The following TAFA2 variants were observed in gnomAD, a reference collection of about 807,000 sequenced individuals.
TAFA2 encodes TAFA chemokine like family member 2.
A neutral mutation model predicts 18.8 loss-of-function variants in TAFA2; 7 were observed. That is an observed-to-expected ratio of 0.37 (90% CI 0.21 to 0.70). The LOEUF is 0.70. Among genes scored for constraint, TAFA2 ranks in the 30% least tolerant of loss-of-function variants. The pLI is 0.53. For synonymous variants in TAFA2, 60 were observed against 54.2 expected (o/e 1.11, Z -0.47); for missense variants, 122 against 158.1 (o/e 0.77, Z 1.23).
rs550772839 is a variant in TAFA2 at position 61,827,712 on chromosome 12, T to A, written c.106+39608A>T. Among the ~76,000 whole-genome samples the A allele has an allele frequency of 2.8e-4, 43 of 152,090 alleles. No homozygotes were observed. The South Asian group carries it at 8.9e-3, about 32-fold the overall frequency. Reference sequence around the variant, plus strand: ...TATTAGCATATAAATATATGAATAGTCCTAAAATAGAGGGAAATATTTAAC... The same window carrying A: ...TATTAGCATATAAATATATGAATAGACCTAAAATAGAGGGAAATATTTAAC... On this transcript the variant is annotated intron_variant, in intron 2 of 4. Coordinates refer to ENST00000416284, the MANE Select transcript of TAFA2 (RefSeq NM_178539.5).
chr12:61,810,851 G>A (rs1871835620), intron 2 of TAFA2, among the ~76,000 whole-genome samples: 3 of 147,818 alleles, frequency 2.0e-5, no homozygotes, highest in Admixed American at 6.9e-5. Flanking sequence ...AATCATGTGT[G>A]GAAGAAAAAA....
chr12:61,903,548 G>A (rs113312124), intron 1 of TAFA2, among the ~76,000 whole-genome samples: 8 of 152,216 alleles, frequency 5.3e-5, no homozygotes, highest in African/African-American at 1.9e-4. Context: ...CCCATGTACT[G>A]AGTCTAGAAC....
chr12:61,966,345 G>A (rs1017501288), intron 1 of TAFA2, among the ~76,000 whole-genome samples: 7 of 151,898 alleles, frequency 4.6e-5, no homozygotes, highest in Non-Finnish European at 8.8e-5. Context: ...GCATGTTCCA[G>A]AGGAAGGAAC....
intron 1 of TAFA2, among the ~76,000 whole-genome samples, chr12:62,251,311 G>A (rs1455988279): frequency 6.6e-6 from 1 of 152,182 alleles, no homozygotes; most frequent in Non-Finnish European, 1.5e-5. Context: ...ATATTGAAGA[G>A]CAGGCTGCTG....
chr12:61,851,940 G>C (rs2121164754), intron 2 of TAFA2, among the ~76,000 whole-genome samples: 1 of 151,964 alleles, frequency 6.6e-6, no homozygotes, highest in South Asian at 2.1e-4. Context: ...GGGCACGGTG[G>C]CTCACGCCTG....
intron 1 of TAFA2, among the ~76,000 whole-genome samples, chr12:61,968,054 C>T (rs1237982551): frequency 6.6e-6 from 1 of 151,734 alleles, no homozygotes; most frequent in Non-Finnish European, 1.5e-5. Flanking sequence ...CTATCATTTA[C>T]AAACTGGTTG....
intron 1 of TAFA2, among the ~76,000 whole-genome samples, chr12:62,056,487 T>C (rs1882191144): frequency 6.6e-6 from 1 of 152,210 alleles, no homozygotes; most frequent in Non-Finnish European, 1.5e-5. Context: ...TCAGTGATAG[T>C]GTATTGGTGG....
intron 1 of TAFA2, among the ~76,000 whole-genome samples, chr12:62,002,850 G>A (rs1583845): frequency 0.13 from 20,369 of 151,998 alleles, 1,794 homozygotes; most frequent in East Asian, 0.37. Context: ...CTCCTGGGTT[G>A]CATCTTTCTA....
At chr12:61,805,422 C>G (rs1871570554) in intron 2 of TAFA2, among the ~76,000 whole-genome samples, 1 of 151,986 alleles carries the variant, frequency 6.6e-6, no homozygotes, top group South Asian at 2.1e-4. Flanking sequence ...TCATGCCATA[C>G]TATATTTACA....
chr12:62,043,853 A>C (rs1240245511), intron 1 of TAFA2, among the ~76,000 whole-genome samples: 1 of 152,166 alleles, frequency 6.6e-6, no homozygotes, highest in Non-Finnish European at 1.5e-5. Flanking sequence ...GATTTGTAAA[A>C]GCTTTGCTGG....
At chr12:61,961,350 G>A (rs1312850592) in intron 1 of TAFA2, among the ~76,000 whole-genome samples, 1 of 151,874 alleles carries the variant, frequency 6.6e-6, no homozygotes, top group Non-Finnish European at 1.5e-5. Context: ...ATCAACTTAA[G>A]TCTATAATTT....
intron 1 of TAFA2, among the ~76,000 whole-genome samples, chr12:62,045,720 T>C (rs953692074): frequency 1.3e-5 from 2 of 152,192 alleles, no homozygotes; most frequent in African/African-American, 4.8e-5. Flanking sequence ...AGAAACACTA[T>C]ATGTAGAGAA....
chr12:61,725,017 T>C (rs1209499759), intron 4 of TAFA2, among the ~76,000 whole-genome samples: 1 of 151,946 alleles, frequency 6.6e-6, no homozygotes, highest in Non-Finnish European at 1.5e-5. Flanking sequence ...CATTCCATTG[T>C]GGTTTTGATT....
chr12:61,985,342 T>C (rs1487305318), intron 1 of TAFA2, among the ~76,000 whole-genome samples: 2 of 152,192 alleles, frequency 1.3e-5, no homozygotes, highest in Non-Finnish European at 2.9e-5. Flanking sequence ...ATGGGAGCCA[T>C]AAAGGACAAA....
At position 61,779,584 on chromosome 12, in the gene TAFA2, A is replaced by G. The variant is rs534891704; in HGVS notation, c.107-24560T>C. On this transcript the variant is annotated intron_variant, in intron 2 of 4. Coordinates refer to ENST00000416284, the MANE Select transcript of TAFA2 (RefSeq NM_178539.5). ...CTAACTATGATCTTATTCTAAGCCA[A>G]ATACCCAGGTTTTTGAACATGTGCT... Among the ~76,000 whole-genome samples, 8 of 151,966 alleles carry G rather than the reference A, an allele frequency of 5.3e-5. No individual in the cohort carries two copies. The South Asian group carries it at 1.7e-3, about 32-fold the overall frequency.
At chr12:62,128,125 C>T (rs1870538220) in intron 1 of TAFA2, among the ~76,000 whole-genome samples, 2 of 152,008 alleles carry the variant, frequency 1.3e-5, no homozygotes. Context: ...AATTCTTTTA[C>T]TTCTATCTCA....
At chr12:61,852,728 G>A (rs981541867) in intron 2 of TAFA2, among the ~76,000 whole-genome samples, 1 of 152,074 alleles carries the variant, frequency 6.6e-6, no homozygotes, top group Non-Finnish European at 1.5e-5. Flanking sequence ...GGATATACAC[G>A]AGGAGGGAAA....
chr12:61,786,948 G>C lies in TAFA2; in HGVS notation c.107-31924C>G, dbSNP rs374472405. Among the ~76,000 whole-genome samples, 5 of 151,382 alleles carry C rather than the reference G, an allele frequency of 3.3e-5. No homozygotes were observed. The East Asian group carries it at 7.8e-4, about 24-fold the overall frequency. ...CCAAAAGAACTCAGAAAAAAGAAGG[G>C]AAATGAATAAAGAACAAATGGGACT... On this transcript the variant is annotated intron_variant, in intron 2 of 4. Coordinates refer to ENST00000416284, the MANE Select transcript of TAFA2 (RefSeq NM_178539.5).
chr12:61,960,553 G>A (rs1878847736), intron 1 of TAFA2, among the ~76,000 whole-genome samples: 1 of 151,976 alleles, frequency 6.6e-6, no homozygotes, highest in Non-Finnish European at 1.5e-5. Flanking sequence ...TGAAGAAACA[G>A]ACTATGAGAA....
Sources: gnomAD v4.1 joint callset for allele counts (sites outside exome capture counted in the v4.1 genomes callset) on GRCh38, gnomAD v4.1.1 for gene constraint, MANE v1.5 for transcripts, NCBI Gene and HGNC (gene_info 2026-07-23, HGNC 2026-07-21) for gene names.